CCNK: variants seen among roughly 807,000 people sequenced by gnomAD.
CCNK encodes cyclin K.
CCNK carries 9 observed loss-of-function variants against 65.0 expected under a neutral mutation model. That is an observed-to-expected ratio of 0.14 (90% CI 0.08 to 0.24). The LOEUF (loss-of-function observed/expected upper bound fraction) is 0.24, where lower values mean the gene tolerates loss of function less well. Among genes scored for constraint, CCNK ranks in the 10% least tolerant of loss-of-function variants. The pLI, the probability that CCNK is intolerant of heterozygous loss-of-function variation, is 1.00. For synonymous variants in CCNK, 279 were observed against 270.8 expected (o/e 1.03, Z -0.30); for missense variants, 474 against 720.0 (o/e 0.66, Z 3.91).
chr14:99,482,798 C>T (rs1006393440), intron 1 of CCNK, among the ~76,000 whole-genome samples: 60 of 152,280 alleles, frequency 3.9e-4, no homozygotes, highest in African/African-American at 1.3e-3. Flanking sequence ...AAAAATTGGT[C>T]ATAGCTGTGG....
At chr14:99,481,992 G>C (rs999097770) in intron 1 of CCNK, among the ~76,000 whole-genome samples, 1 of 152,150 alleles carries the variant, frequency 6.6e-6, no homozygotes, top group African/African-American at 2.4e-5. Flanking sequence ...ATTAGATTTC[G>C]TTCTTGCCCA....
intron 1 of CCNK, among the ~76,000 whole-genome samples, chr14:99,486,895 A>T (rs1434824938): frequency 1.1e-3 from 2 of 1,826 alleles, no homozygotes; most frequent in African/African-American, 1.1e-3. Context: ...GTGGCACTTA[A>T]GATTCCCTGA....
chr14:99,503,682 T>A (rs1422357217), intron 9 of CCNK, 38 bp downstream of exon 9: 2 of 1,507,044 alleles, frequency 1.3e-6, no homozygotes, highest in Non-Finnish European at 1.8e-6. Flanking sequence ...GTTTTATGTG[T>A]TTATATGCAA....
At chr14:99,508,019 G>A (rs1165485666) in intron 10 of CCNK, 1 of 152,250 alleles carries the variant, frequency 6.6e-6, no homozygotes, top group Non-Finnish European at 1.5e-5. Flanking sequence ...ATACTCCGGA[G>A]GCTTCCAAGC....
chr14:99,509,594 C>CT (rs1486290331), intron 10 of CCNK: 1 of 160,728 alleles, frequency 6.2e-6, no homozygotes, highest in African/African-American at 2.4e-5. Flanking sequence ...AGGCTGCTAT[C>CT]TGAGAGCACA....
At position 99,511,748 on chromosome 14, in the gene CCNK, G is replaced by A. The variant is rs1897135441; in HGVS notation, c.*966G>A. ...GTGCCTGCCTTGGTTTCCTTTGGAG[G>A]ACCTGGTTGAGTTCCAAACCAGTTT... On this transcript the variant is annotated 3_prime_UTR_variant, in exon 11 of 11. Transcript: ENST00000389879. The A allele has an allele frequency of 6.5e-6, 1 of 152,710 alleles. No individual in the cohort carries two copies. Among genetic ancestry groups the A allele is most frequent in the Admixed American group, 6.5e-5 (1 of 15,288 alleles). 9.5% of individuals were successfully genotyped at this position (152,710 alleles called of 1,614,324 possible). A position where few individuals can be genotyped will look rare whatever the true frequency, so the allele number is the denominator to read the frequency against.
intron 4 of CCNK, 77 bp downstream of exon 4, chr14:99,495,706 T>G: frequency 7.5e-7 from 1 of 1,327,858 alleles, no homozygotes; most frequent in Non-Finnish European, 1.0e-6. Context: ...ATGTTGACAG[T>G]GCCTGTAGCC....
intron 1 of CCNK, among the ~76,000 whole-genome samples, chr14:99,486,727 G>T (rs1254684062): frequency 6.6e-6 from 1 of 152,050 alleles, no homozygotes; most frequent in Admixed American, 6.6e-5. Context: ...GGCCAATTAT[G>T]ACACACACAC....
chr14:99,484,097 C>G (rs928189205), intron 1 of CCNK, among the ~76,000 whole-genome samples: 1 of 152,184 alleles, frequency 6.6e-6, no homozygotes, highest in Non-Finnish European at 1.5e-5. Context: ...CTGAGTTTTC[C>G]TGGCTTGACA....
Position 99,510,256 on chromosome 14 carries a change from A to AC in CCNK, c.1220dup (p.Ala408GlyfsTer176). The AC allele has an allele frequency of 5.5e-5, 28 of 505,594 alleles. No individual in the cohort carries two copies. Among genetic ancestry groups the AC allele is most frequent in the South Asian group, 2.4e-4 (8 of 33,862 alleles). 31.3% of individuals were successfully genotyped at this position (505,594 alleles called of 1,614,324 possible). On this transcript the variant is annotated frameshift_variant, in exon 11 of 11. Transcript: ENST00000389879. LOFTEE classifies it high-confidence loss of function. ...AAAGTCCAGATTCCCCCTCCGGCCC[A>AC]CCCGGCCCCTGTGCACCAGCCACCG...
intron 4 of CCNK, among the ~76,000 whole-genome samples, chr14:99,497,967 T>C (rs1309878214): frequency 6.6e-6 from 1 of 152,220 alleles, no homozygotes; most frequent in African/African-American, 2.4e-5. Context: ...GGGTATTTGA[T>C]TTTTACTGAG....
intron 10 of CCNK, chr14:99,508,072 C>T (rs925279964): frequency 2.6e-5 from 4 of 152,224 alleles, no homozygotes; most frequent in African/African-American, 4.8e-5. Context: ...CACTGTTGGT[C>T]GGTGCACGTG....
intron 4 of CCNK, among the ~76,000 whole-genome samples, chr14:99,495,882 A>T (rs914802672): frequency 6.6e-6 from 1 of 152,214 alleles, no homozygotes; most frequent in Non-Finnish European, 1.5e-5. Context: ...TTTCATGGAT[A>T]TGAGCAAAAA....
chr14:99,507,212 G>A (rs1343448226), intron 10 of CCNK, 65 bp downstream of exon 10: 1 of 974,958 alleles, frequency 1.0e-6, no homozygotes, highest in Admixed American at 1.7e-5. Flanking sequence ...GACGCAGCAG[G>A]TCCTGGGAAC....
intron 4 of CCNK, among the ~76,000 whole-genome samples, chr14:99,498,007 G>A (rs1243195077): frequency 6.6e-6 from 1 of 152,216 alleles, no homozygotes. Flanking sequence ...AACGTGATAA[G>A]TCTGATTGTA....
In CCNK at chr14:99,493,060, T is replaced by C. The variant is rs1192316226; in HGVS notation, c.197+186T>C. The C allele has an allele frequency of 5.0e-6, 3 of 603,582 alleles. No individual in the cohort carries two copies. In the African/African-American group the frequency reaches 5.8e-5, roughly 12 times the overall value. 37.4% of individuals were successfully genotyped at this position (603,582 alleles called of 1,614,324 possible). On this transcript the variant is annotated intron_variant, in intron 2 of 10. Transcript: ENST00000389879. ...GATTTGTCATTTTAAAGGTGTAGAC[T>C]TAGCCACTGAGGAGGTGGCCAGCCA...
At chr14:99,481,643 G>A (rs1896326565) in intron 1 of CCNK, 164 bp downstream of exon 1, 1 of 392,752 alleles carries the variant, frequency 2.5e-6, no homozygotes, top group Non-Finnish European at 4.5e-6. Flanking sequence ...GGGCGACGCG[G>A]GGTTGTGGGG....
At chr14:99,503,403 T>C (rs1031048834) in intron 8 of CCNK, 1 of 605,812 alleles carries the variant, frequency 1.7e-6, no homozygotes, top group East Asian at 2.7e-5. Context: ...CATTCTGTCT[T>C]ATTTGGTAAA....
chr14:99,490,379 T>G (rs1342505081), intron 1 of CCNK, among the ~76,000 whole-genome samples: 1 of 152,220 alleles, frequency 6.6e-6, no homozygotes, highest in Admixed American at 6.5e-5. Context: ...AGTTAATTTC[T>G]TTTTTTGGAT....
Sources: allele counts gnomAD v4.1 joint callset (sites outside exome capture counted in the v4.1 genomes callset), GRCh38; gene constraint gnomAD v4.1.1; transcripts MANE v1.5; gene names NCBI Gene and HGNC (gene_info 2026-07-23, HGNC 2026-07-21).